Variants in EXOC2 observed in about 807,000 individuals in gnomAD.
EXOC2 encodes the protein exocyst complex component 2, also known as SEC5-like 1.
EXOC2 carries 70 observed loss-of-function variants against 131.8 expected under a neutral mutation model. The observed-to-expected ratio is 0.53, with a 90% CI of 0.44 to 0.65. The LOEUF (loss-of-function observed/expected upper bound fraction) is 0.65, where lower values mean the gene tolerates loss of function less well. Ranked by LOEUF, EXOC2 falls within the 30% of genes least tolerant of loss-of-function variation. EXOC2 has a pLI of 0.00. For synonymous variants in EXOC2, 411 were observed against 398.4 expected, an observed-to-expected ratio of 1.03 and a Z score of -0.38; for missense variants, 923 against 1,108.6, an observed-to-expected ratio of 0.83 and a Z score of 2.38.
chr6:533,909 C>G (rs1180919336), intron 22 of EXOC2, among the ~76,000 whole-genome samples: 1 of 152,190 alleles, frequency 6.6e-6, no homozygotes, highest in Non-Finnish European at 1.5e-5. Context: ...GAGTCCGCTG[C>G]TATGCACAGG....
At chr6:610,851 A>T (rs1760677978) in intron 6 of EXOC2, among the ~76,000 whole-genome samples, 1 of 152,174 alleles carries the variant, frequency 6.6e-6, no homozygotes, top group Non-Finnish European at 1.5e-5. Flanking sequence ...TTTTCTTTGA[A>T]ATTCTAAAAT....
rs1763656133 is a variant in EXOC2 at position 666,802 on chromosome 6, T to C, written c.-44+26217A>G. On this transcript the variant is annotated intron_variant, in intron 1 of 27. Coordinates refer to ENST00000230449, the MANE Select transcript of EXOC2 (RefSeq NM_018303.6). ...ACATGTATCCAACATTACAGTATCA[T>C]ACTGAATACTTTCACTGCCTTAAAA... is the stretch of plus-strand genomic sequence containing the variant. Among the ~76,000 whole-genome samples, 2 of 97,558 alleles carry C rather than the reference T, an allele frequency of 2.1e-5. 1 individual carries two copies. The highest frequency in any genetic ancestry group is 2.3e-4 in the Admixed American group (2 of 8,628). The allele number at this position is 97,558 out of a possible 152,430, so 64.0% of individuals were successfully genotyped here.
rs377753433 is a variant in EXOC2, at chr6:656,686, G to A, written c.-43-18825C>T. ...GCTGCGCTTCTCGCCGCCCGGGACA[G>A]GTGCTCCGCCGTCAGCTCCAGGTGG... On this transcript the variant is annotated intron_variant, in intron 1 of 27. Transcript: ENST00000230449. 134 of 1,606,664 alleles carry A rather than the reference G, an allele frequency of 8.3e-5. 1 individual carries two copies. The African/African-American group carries it at 1.8e-3, about 21-fold the overall frequency.
chr6:675,900 G>A (rs1764098764), intron 1 of EXOC2, among the ~76,000 whole-genome samples: 1 of 87,802 alleles, frequency 1.1e-5, no homozygotes, highest in Non-Finnish European at 2.5e-5. Flanking sequence ...TTACGGAAAG[G>A]ACAGTTTCCT....
chr6:641,955 T>C (rs1167944536), intron 1 of EXOC2, among the ~76,000 whole-genome samples: 1 of 152,170 alleles, frequency 6.6e-6, no homozygotes, highest in Admixed American at 6.5e-5. Context: ...ATCCACTGTT[T>C]TGTGGTCTGC....
At chr6:488,836 A>C in intron 27 of EXOC2, 143 bp downstream of exon 27, 1 of 766,176 alleles carries the variant, frequency 1.3e-6, no homozygotes, top group South Asian at 2.2e-5. Flanking sequence ...AACGCTATTA[A>C]GTAGGTATAT....
At chr6:568,574 A>G (rs775800889) in intron 13 of EXOC2, among the ~76,000 whole-genome samples, 4 of 152,004 alleles carry the variant, frequency 2.6e-5, no homozygotes, top group Non-Finnish European at 5.9e-5. Context: ...TACACATCCT[A>G]TTGGTTCTAT....
chr6:563,345 A>G (rs926426640), intron 16 of EXOC2, among the ~76,000 whole-genome samples: 5 of 152,196 alleles, frequency 3.3e-5, no homozygotes, highest in African/African-American at 1.2e-4. Context: ...GGAGGTAATC[A>G]ACTAAGAGGG....
chr6:522,714 GA>G (rs1487572241), intron 23 of EXOC2, among the ~76,000 whole-genome samples: 1 of 152,176 alleles, frequency 6.6e-6, no homozygotes, highest in African/African-American at 2.4e-5. Context: ...GGGCTCAGGT[GA>G]AATGATGGTG....
Position 555,555 on chromosome 6 carries a change from C to T in EXOC2, c.1993-267G>A, listed in dbSNP as rs117834556. 5.3e-5 allele frequency among the ~76,000 whole-genome samples: 8 copies of T among 152,152 alleles called. No homozygotes were observed. In the South Asian group the frequency reaches 6.2e-4, roughly 12 times the overall value. ...TTATTAAGTTTGTAAAGATATATTC[C>T]GGAAAAAGACTTTCTCTTATTCATT... On this transcript the variant is annotated intron_variant, in intron 19 of 27. Transcript: ENST00000230449.
chr6:630,909 G>A (rs1290535973), intron 3 of EXOC2, among the ~76,000 whole-genome samples: 1 of 152,206 alleles, frequency 6.6e-6, no homozygotes, highest in Non-Finnish European at 1.5e-5. Flanking sequence ...ACTGGGTGTG[G>A]ACCCTGTGAA....
intron 23 of EXOC2, among the ~76,000 whole-genome samples, chr6:531,881 G>T (rs184140283): frequency 2.0e-4 from 31 of 152,322 alleles, no homozygotes; most frequent in Non-Finnish European, 4.1e-4. Context: ...AAGTTTACTT[G>T]ATTCAGAAAG....
chr6:633,725 T>C (rs1311537272), intron 2 of EXOC2, among the ~76,000 whole-genome samples: 2 of 152,322 alleles, frequency 1.3e-5, no homozygotes, highest in South Asian at 2.1e-4. Flanking sequence ...GCTGCTGGCA[T>C]AGTAGTTCCT....
chr6:567,995 T>C (rs1399157841), intron 13 of EXOC2, among the ~76,000 whole-genome samples: 1 of 151,994 alleles, frequency 6.6e-6, no homozygotes, highest in Non-Finnish European at 1.5e-5. Flanking sequence ...TGTGTGACGG[T>C]TGGGGGTTAG....
chr6:559,932 G>A (rs888552047), intron 17 of EXOC2, among the ~76,000 whole-genome samples: 4 of 152,110 alleles, frequency 2.6e-5, no homozygotes, highest in Admixed American at 2.6e-4. Context: ...TTTTCCATTT[G>A]CACATAACTG....
intron 23 of EXOC2, among the ~76,000 whole-genome samples, chr6:513,038 C>T (rs564606914): frequency 2.0e-4 from 31 of 152,246 alleles, no homozygotes; most frequent in Non-Finnish European, 2.8e-4. Context: ...CAAAATAGGC[C>T]GACTCTGCGA....
At chr6:563,170 A>G (rs748084209) in intron 16 of EXOC2, among the ~76,000 whole-genome samples, 54 of 152,366 alleles carry the variant, frequency 3.5e-4, no homozygotes, top group Non-Finnish European at 6.5e-4. Context: ...CATGTACAAA[A>G]TAAGTCATAC....
At chr6:562,876 T>C (rs1201790195) in intron 16 of EXOC2, 31 bp from the exon 17 acceptor site, 2 of 1,478,572 alleles carry the variant, frequency 1.4e-6, no homozygotes. Context: ...AAATACTTTA[T>C]TATAATTATC....
intron 6 of EXOC2, among the ~76,000 whole-genome samples, chr6:615,504 GAC>G (rs1365909424): frequency 6.6e-6 from 1 of 152,114 alleles, no homozygotes; most frequent in Non-Finnish European, 1.5e-5. Context: ...TATCTTCCAG[GAC>G]AAATGACCTT....
Sources: gnomAD v4.1 joint callset for allele counts (sites outside exome capture counted in the v4.1 genomes callset) on GRCh38, gnomAD v4.1.1 for gene constraint, MANE v1.5 for transcripts, NCBI Gene and HGNC (gene_info 2026-07-23, HGNC 2026-07-21) for gene names.